Variants in HIVEP3 observed in about 807,000 individuals in gnomAD.
The protein encoded by HIVEP3 is transcription factor HIVEP3.
In HIVEP3, 49 loss-of-function variants were observed where a neutral mutation model predicts 152.8. The ratio of observed to expected loss-of-function variants is 0.32; its 90% CI spans 0.26 to 0.41. HIVEP3 has a LOEUF of 0.41. HIVEP3 is among the 10% of genes least tolerant of loss of function. The pLI is 1.00. For missense variants in HIVEP3, 2,790 were observed against 3,103.3 expected (o/e 0.90, Z 2.40); for synonymous variants, 1,269 against 1,289.0 (o/e 0.98, Z 0.33).
At chr1:41,928,932 G>C (rs1644981478) in intron 1 of HIVEP3, among the ~76,000 whole-genome samples, 1 of 152,148 alleles carries the variant, frequency 6.6e-6, no homozygotes, top group Non-Finnish European at 1.5e-5. Context: ...GATTGCTTGA[G>C]CAACTTAGTG....
At chr1:41,660,657 C>A (rs1397571989) in intron 2 of HIVEP3, among the ~76,000 whole-genome samples, 1 of 152,172 alleles carries the variant, frequency 6.6e-6, no homozygotes, top group African/African-American at 2.4e-5. Context: ...TATGGGTAGC[C>A]CCTGAAGCAC....
intron 5 of HIVEP3, among the ~76,000 whole-genome samples, chr1:41,544,699 TCAC>T (rs61503937): frequency 2.0e-5 from 2 of 100,000 alleles, no homozygotes; most frequent in South Asian, 3.6e-4. Flanking sequence ...ACTGCTACCA[TCAC>T]CACCACCACT....
chr1:41,888,185 A>ATG (rs1644378298), intron 1 of HIVEP3, among the ~76,000 whole-genome samples: 1 of 140,054 alleles, frequency 7.1e-6, no homozygotes, highest in Non-Finnish European at 1.5e-5. Context: ...ACAGGCACCC[A>ATG]CCACCACGCC....
chr1:41,693,514 A>G (rs1646227721), intron 2 of HIVEP3, among the ~76,000 whole-genome samples: 1 of 152,138 alleles, frequency 6.6e-6, no homozygotes, highest in Non-Finnish European at 1.5e-5. Flanking sequence ...ATTTGTCTTT[A>G]TCTAATACTT....
intron 1 of HIVEP3, among the ~76,000 whole-genome samples, chr1:41,818,872 G>C (rs1405767349): frequency 6.6e-6 from 1 of 152,130 alleles, no homozygotes; most frequent in African/African-American, 2.4e-5. Context: ...AAGCATTGCT[G>C]TGGAAGGTGA....
Position 41,983,559 on chromosome 1 carries a change from A to G in HIVEP3, n.119+52248T>C, listed in dbSNP as rs184910593. Among the ~76,000 whole-genome samples the G allele has an allele frequency of 1.4e-4, 21 of 152,292 alleles. No individual in the cohort carries two copies. The East Asian group carries it at 3.3e-3, about 24-fold the overall frequency. Reference sequence around the variant, plus strand: ...AGATTAACTGTCTGTCTTAGCAGAAAATAGCAACAGCTAATAAAGGTGCAG... The same window carrying G: ...AGATTAACTGTCTGTCTTAGCAGAAGATAGCAACAGCTAATAAAGGTGCAG... On this transcript the variant is annotated intron_variant and non_coding_transcript_variant, in intron 1 of 3. Coordinates refer to the HIVEP3 transcript ENST00000489103.
chr1:41,942,535 C>T (rs1042312274), intron 1 of HIVEP3, among the ~76,000 whole-genome samples: 1 of 152,184 alleles, frequency 6.6e-6, no homozygotes, highest in Non-Finnish European at 1.5e-5. Flanking sequence ...GTGGTATAAC[C>T]CCTATGGAAC....
At chr1:41,840,741 C>T (rs1643263589) in intron 1 of HIVEP3, among the ~76,000 whole-genome samples, 1 of 152,204 alleles carries the variant, frequency 6.6e-6, no homozygotes, top group Non-Finnish European at 1.5e-5. Context: ...CTGGCCGTGC[C>T]AGCCAGCCAG....
intron 5 of HIVEP3, among the ~76,000 whole-genome samples, chr1:41,530,017 A>G (rs183184254): frequency 4.6e-4 from 65 of 140,642 alleles, no homozygotes; most frequent in East Asian, 8.1e-4. Context: ...TCATTTGCAC[A>G]CTCAGACCAC....
intron 1 of HIVEP3, among the ~76,000 whole-genome samples, chr1:41,709,002 CA>C (rs1203932587): frequency 6.6e-6 from 1 of 152,172 alleles, no homozygotes; most frequent in East Asian, 1.9e-4. Context: ...AAGCCTTTCT[CA>C]GGGGTTCTGG....
intron 2 of HIVEP3, 124 bp downstream of exon 2, chr1:41,700,792 G>T: frequency 4.2e-6 from 1 of 239,586 alleles, no homozygotes. Context: ...AGCGTGTGGG[G>T]CTCCATTCTC....
chr1:41,928,047 C>T (rs1377809397), intron 1 of HIVEP3, among the ~76,000 whole-genome samples: 9 of 102,974 alleles, frequency 8.7e-5, no homozygotes, highest in Non-Finnish European at 1.2e-4. Flanking sequence ...GGTGACAGGG[C>T]GAGACTCCAT....
At chr1:41,679,122 T>G (rs142375504) in intron 2 of HIVEP3, among the ~76,000 whole-genome samples, 144 of 152,352 alleles carry the variant, frequency 9.5e-4, no homozygotes, top group Non-Finnish European at 1.3e-3. Context: ...TTCAAGACCC[T>G]TGCCATGGAG....
At chr1:41,611,527 C>G (rs1023081190) in intron 3 of HIVEP3, among the ~76,000 whole-genome samples, 2 of 152,218 alleles carry the variant, frequency 1.3e-5, no homozygotes, top group African/African-American at 4.8e-5. Context: ...ACAAAGGCAC[C>G]GAAGGTTCCA....
chr1:42,035,473 C>G (rs1368365980), intron 1 of HIVEP3, among the ~76,000 whole-genome samples: 1 of 152,254 alleles, frequency 6.6e-6, no homozygotes, highest in Non-Finnish European at 1.5e-5. Flanking sequence ...GGTCTCTGCC[C>G]TCTGCCTGGG....
chr1:41,897,943 GAGA>G (rs1397655469), intron 1 of HIVEP3, among the ~76,000 whole-genome samples: 2 of 94,750 alleles, frequency 2.1e-5, no homozygotes, highest in African/African-American at 5.3e-5. Context: ...GAGAGGGAGA[GAGA>G]GAGAGAGAGA....
chr1:41,510,150 G>A lies in HIVEP3; in HGVS notation c.*301C>T, dbSNP rs183806163. 8 of 268,614 alleles carry A rather than the reference G, an allele frequency of 3.0e-5. No individual in the cohort carries two copies. The Admixed American group carries it at 3.2e-4, about 11-fold the overall frequency. 16.6% of individuals were successfully genotyped at this position (268,614 alleles called of 1,614,324 possible). Reference sequence around the variant, plus strand: ...TGCCAACCACAGCGGGGAGGGTCAGGAGGCTTCACCATCAGCCTTTCCCCA... The same window carrying A: ...TGCCAACCACAGCGGGGAGGGTCAGAAGGCTTCACCATCAGCCTTTCCCCA... On this transcript the variant is annotated 3_prime_UTR_variant, in exon 9 of 9. Transcript: ENST00000372583.
intron 1 of HIVEP3, among the ~76,000 whole-genome samples, chr1:41,947,221 G>A (rs755710766): frequency 1.3e-5 from 2 of 152,148 alleles, no homozygotes; most frequent in Non-Finnish European, 2.9e-5. Flanking sequence ...CTTGTCCTTC[G>A]GTATGTGGAT....
chr1:41,875,969 A>G (rs1187700693), intron 1 of HIVEP3, among the ~76,000 whole-genome samples: 1 of 152,138 alleles, frequency 6.6e-6, no homozygotes, highest in Non-Finnish European at 1.5e-5. Context: ...CTTGTTCTCC[A>G]CCTGACATAC....
Sources: allele counts gnomAD v4.1 joint callset (sites outside exome capture counted in the v4.1 genomes callset), GRCh38; gene constraint gnomAD v4.1.1; transcripts MANE v1.5; gene names NCBI Gene and HGNC (gene_info 2026-07-23, HGNC 2026-07-21).